DIDO1: variants seen among roughly 807,000 people sequenced by gnomAD.
The protein encoded by DIDO1 is death-inducer obliterator 1.
A neutral mutation model predicts 99.4 loss-of-function variants in DIDO1; 16 were observed. The ratio of observed to expected loss-of-function variants is 0.16; its 90% CI spans 0.11 to 0.24. DIDO1 has a LOEUF of 0.24. DIDO1 is among the 10% of genes least tolerant of loss of function. DIDO1 has a pLI of 1.00. For synonymous variants in DIDO1, 1,366 were observed against 1,239.1 expected (o/e 1.10, Z -2.15); for missense variants, 2,996 against 3,014.0 (o/e 0.99, Z 0.14).
chr20:62,913,949 T>A (rs969686280), intron 2 of DIDO1, among the ~76,000 whole-genome samples: 2 of 152,274 alleles, frequency 1.3e-5, no homozygotes, highest in Admixed American at 6.5e-5. Context: ...CTACACTGTT[T>A]TATAACATTT....
At chr20:62,888,512 C>G in intron 15 of DIDO1, 2 of 985,596 alleles carry the variant, frequency 2.0e-6, no homozygotes, top group Non-Finnish European at 2.4e-6. Flanking sequence ...CTGCGCAGCA[C>G]ACGCTCACCC....
Position 62,908,558 on chromosome 20 carries a change from C to G in DIDO1, c.1161+1141G>C, listed in dbSNP as rs530900509. Among the ~76,000 whole-genome samples the G allele has an allele frequency of 5.9e-5, 9 of 152,344 alleles. No homozygotes were observed. The South Asian group carries it at 1.7e-3, about 28-fold the overall frequency. On this transcript the variant is annotated intron_variant, in intron 4 of 15. Transcript: ENST00000395343. The stretch of plus-strand genomic sequence containing the variant: ...CTCGATGATCAGGCCTCAACACACA[C>G]GAACATGTCCCTCACACATACTTAA...
rs2064189313 is a variant in DIDO1 at position 62,880,867 on chromosome 20, A to G, written c.5089T>C (p.Ser1697Pro). The G allele has an allele frequency of 6.2e-7, 1 of 1,612,636 alleles. No individual in the cohort carries two copies. The highest frequency in any genetic ancestry group is 1.3e-5 in the African/African-American group (1 of 75,052). The part of the protein sequence containing the change: ...GFASQDKALG[S>P]AQYEDPRNLH... ...TTTCTTGGGTCCTCATACTGGGCTG[A>G]GCCGAGAGCCTTGTCCTGCGACGCG... The change falls in exon 16 of 16, where the codon TCA becomes CCA. Residue 1697 changes from serine to proline, a missense_variant. Ser to Pro is a moderately conservative substitution (Grantham distance 74, BLOSUM62 -1). This residue lies in a region of DIDO1 where 1,562 missense variants were observed against 1,412.6 expected (regional missense o/e 1.11). Transcript: ENST00000395343.
At position 62,899,530 on chromosome 20, in the gene DIDO1, G is replaced by C. The variant is rs369902659; in HGVS notation, c.1589-2534C>G. Among the ~76,000 whole-genome samples the C allele has an allele frequency of 1.6e-3, 240 of 152,348 alleles. 4 individuals are homozygous for C. The highest frequency in any genetic ancestry group is 0.014 in the Middle Eastern group (4 of 294). On this transcript the variant is annotated intron_variant, in intron 6 of 15. Transcript: ENST00000395343. ...CTCACTTAGGGAAAACCCGAGTTGAGAGATGAGTTTTAGGGCACTCCCAGT... is the reference window on the plus strand; with the variant it reads ...CTCACTTAGGGAAAACCCGAGTTGACAGATGAGTTTTAGGGCACTCCCAGT...
At position 62,910,954 on chromosome 20, in the gene DIDO1, T is replaced by G. The variant is rs1314260801; in HGVS notation, c.659A>C (p.Glu220Ala). 2 of 1,614,172 alleles carry G rather than the reference T, an allele frequency of 1.2e-6. No homozygotes were observed. The highest frequency in any genetic ancestry group is 2.2e-5 in the South Asian group (2 of 91,084). Residue 220 changes from glutamate (E) to alanine (A), a missense_variant, in exon 3 of 16, where the codon GAG (glutamate) becomes GCG (alanine). Transcript: ENST00000395343. Reference sequence around the variant, plus strand: ...CTGGGACACAACCCCCTGATCGTTCTCGGGCTCCTGCTTACTGGGCAGGAC... The same window carrying G: ...CTGGGACACAACCCCCTGATCGTTCGCGGGCTCCTGCTTACTGGGCAGGAC... ...EGVLPSKQEP[E>A]NDQGVVSQAG...
Position 62,896,721 on chromosome 20 carries a change from T to C in DIDO1, c.1864A>G (p.Thr622Ala), listed in dbSNP as rs779053503. 2 of 1,613,636 alleles carry C rather than the reference T, an allele frequency of 1.2e-6. No individual in the cohort carries two copies. Among genetic ancestry groups the C allele is most frequent in the South Asian group, 1.1e-5 (1 of 91,076 alleles). Residue 622 changes from threonine (T) to alanine (A), a missense_variant, in exon 7 of 16, where the codon ACG becomes GCG. Thr to Ala is a moderately conservative substitution (Grantham distance 58). Around this residue, in one of 5 missense-constraint regions of DIDO1, gnomAD observed 898 missense variants for 972.7 expected, o/e 0.92. Coordinates refer to ENST00000395343, the MANE Select transcript of DIDO1 (RefSeq NM_001193369.2). This position sits in a 1 kb window ranked among gnomAD's most constrained non-coding sequence, Gnocchi z 4.4. ...RQAGPAPAAA[T>A]AASKKFPGSA... The stretch of plus-strand genomic sequence containing the variant: ...CCAGGGAACTTCTTGGAGGCAGCCG[T>C]TGCCGCTGCAGGTGCCGGTCCGGCC...
chr20:62,888,430 A>C, intron 15 of DIDO1: 1 of 985,502 alleles, frequency 1.0e-6, no homozygotes, highest in Non-Finnish European at 1.2e-6. Context: ...TGTGCCGCAG[A>C]GAACTGAGGC....
chr20:62,888,183 G>T, intron 15 of DIDO1: 2 of 985,510 alleles, frequency 2.0e-6, no homozygotes, highest in Non-Finnish European at 2.4e-6. Context: ...GCTAGGACTG[G>T]ACACCACGCT....
chr20:62,922,123 CACATATAT>C (rs1568885694), intron 1 of DIDO1, among the ~76,000 whole-genome samples: 4 of 146,856 alleles, frequency 2.7e-5, no homozygotes, highest in East Asian at 4.0e-4. Context: ...CACACACACA[CACATATAT>C]ACATATATAC....
In DIDO1 at chr20:62,907,092, A is replaced by G. The variant is rs943151764; in HGVS notation, c.1374+55T>C. 8 of 1,586,394 alleles carry G rather than the reference A, an allele frequency of 5.0e-6. No individual in the cohort carries two copies. The African/African-American group carries it at 1.1e-4, about 21-fold the overall frequency. On this transcript the variant is annotated intron_variant, in intron 5 of 15. Coordinates refer to ENST00000395343, the MANE Select transcript of DIDO1 (RefSeq NM_001193369.2). The stretch of plus-strand genomic sequence containing the variant: ...TCTACAAACCAACAGTTCTGCGACA[A>G]ACGCTCTCACGCCTGTGCGTCCACT...
In DIDO1 at chr20:62,892,003, T is replaced by C. The variant is rs778358779; in HGVS notation, c.3329A>G (p.Lys1110Arg). 3.1e-6 allele frequency: 5 copies of C among 1,612,818 alleles called. No individual in the cohort carries two copies. In the South Asian group the frequency reaches 3.3e-5, roughly 11 times the overall value. The change falls in exon 14 of 16, where the codon AAG becomes AGG. Residue 1110 changes from lysine (K) to arginine (R), a missense_variant. This residue lies in a region of DIDO1 where 135 missense variants were observed against 202.3 expected (regional missense o/e 0.67). Transcript: ENST00000395343. Reference protein sequence around the residue: ...KTVWDYVGKLKSSVSKELCLI... With the variant: ...KTVWDYVGKLRSSVSKELCLI... Reference sequence around the variant, plus strand: ...AGCAGGTACCTTAGACACAGAAGACTTGAGTTTGCCAACATAATCCCAAAC... The same window carrying C: ...AGCAGGTACCTTAGACACAGAAGACCTGAGTTTGCCAACATAATCCCAAAC...
intron 15 of DIDO1, among the ~76,000 whole-genome samples, chr20:62,886,607 G>C (rs1269514333): frequency 6.6e-6 from 1 of 152,104 alleles, no homozygotes; most frequent in African/African-American, 2.4e-5. Flanking sequence ...CCTCGGTACT[G>C]AACCTGAGGC....
At chr20:62,888,262 C>T (rs2064328832) in intron 15 of DIDO1, 17 of 985,424 alleles carry the variant, frequency 1.7e-5, no homozygotes, top group Non-Finnish European at 2.0e-5. Flanking sequence ...TAAACTGAGG[C>T]ACATGGACGA....
intron 1 of DIDO1, among the ~76,000 whole-genome samples, chr20:62,914,797 C>T (rs1394474364): frequency 1.3e-5 from 2 of 151,988 alleles, no homozygotes; most frequent in African/African-American, 4.8e-5. Flanking sequence ...GGAACAAGAA[C>T]AAAAAGTGAA....
Position 62,881,987 on chromosome 20 carries a change from T to C in DIDO1, c.3969A>G (p.Gly1323=). 1 of 1,613,440 alleles carries C rather than the reference T, an allele frequency of 6.2e-7. No homozygotes were observed. Among genetic ancestry groups the C allele is most frequent in the South Asian group, 1.1e-5 (1 of 91,072 alleles). The change falls in exon 16 of 16, where the codon GGA becomes GGG. Residue 1323 remains glycine (G), a synonymous_variant. Transcript: ENST00000395343. This position sits in a 1 kb window ranked among gnomAD's most constrained non-coding sequence, Gnocchi z 8.3. ...PLEHILQTLF[G]KKKSFDPSAR... is the part of the protein sequence containing the mutation. ...CGGACGGGTCGAATGATTTCTTCTT[T>C]CCAAAGAGAGTCTGCAGGATGTGCT...
chr20:62,894,681 A>C lies in DIDO1; in HGVS notation c.2436+129T>G. ...GAAAAAAGGACCATCTAATACAAGGACTGAGGAATGCCACAATGACATACA... is the reference window on the plus strand; with the variant it reads ...GAAAAAAGGACCATCTAATACAAGGCCTGAGGAATGCCACAATGACATACA... On this transcript the variant is annotated intron_variant, in intron 10 of 15. Coordinates refer to ENST00000395343, the MANE Select transcript of DIDO1 (RefSeq NM_001193369.2). The surrounding 1 kb of genome is among the most constrained non-coding windows in gnomAD (Gnocchi z 4.4). The C allele has an allele frequency of 7.1e-7, 1 of 1,406,290 alleles. No individual in the cohort carries two copies. The highest frequency in any genetic ancestry group is 9.6e-7 in the Non-Finnish European group (1 of 1,043,566). The allele number at this position is 1,406,290 out of a possible 1,614,324, so 87.1% of individuals were successfully genotyped here.
chr20:62,890,152 ACGAAGC>A (rs1471424089), intron 15 of DIDO1: 1 of 985,730 alleles, frequency 1.0e-6, no homozygotes, highest in Non-Finnish European at 1.2e-6. Flanking sequence ...TGCCTTTATG[ACGAAGC>A]ACTTCAGAGG....
chr20:62,903,975 A>C (rs539360361), intron 6 of DIDO1, among the ~76,000 whole-genome samples: 1 of 152,272 alleles, frequency 6.6e-6, no homozygotes, highest in South Asian at 2.1e-4. Flanking sequence ...CAGGGCTGAG[A>C]GCCCCTCATT....
intron 5 of DIDO1, 86 bp downstream of exon 5, chr20:62,907,061 A>C: frequency 7.0e-7 from 1 of 1,433,624 alleles, no homozygotes; most frequent in Non-Finnish European, 9.8e-7. Flanking sequence ...TGCCACCCCC[A>C]CACGGTCTAC....
Sources: allele counts gnomAD v4.1 joint callset (sites outside exome capture counted in the v4.1 genomes callset), GRCh38; gene constraint gnomAD v4.1.1; regional missense constraint gnomAD v4.1.1; non-coding constraint Gnocchi (gnomAD v3.1); transcripts MANE v1.5; gene names NCBI Gene and HGNC (gene_info 2026-07-23, HGNC 2026-07-21).